The following TENM1 variants were observed in gnomAD, a reference collection of about 807,000 sequenced individuals.
The protein encoded by TENM1 is teneurin-1.
In TENM1, 35 loss-of-function variants were observed where a neutral mutation model predicts 174.8. The observed-to-expected ratio is 0.20, with a 90% CI of 0.15 to 0.27. The LOEUF is 0.27. Among genes scored for constraint, TENM1 ranks in the 10% least tolerant of loss-of-function variants. TENM1 has a pLI of 1.00. For synonymous variants in TENM1, 781 were observed against 798.7 expected (o/e 0.98, Z 0.37); for missense variants, 1,633 against 2,130.1 (o/e 0.77, Z 4.59).
intron 5 of TENM1, among the ~76,000 whole-genome samples, chrX:124,684,062 G>T (rs2052301147): frequency 8.9e-6 from 1 of 111,860 alleles, no homozygotes; most frequent in African/African-American, 3.3e-5. Context: ...CCTTTCAATA[G>T]AAACATGGAC....
At chrX:124,856,129 A>G (rs2056812005) in intron 3 of TENM1, among the ~76,000 whole-genome samples, 1 of 110,792 alleles carries the variant, frequency 9.0e-6, no homozygotes, top group Admixed American at 9.6e-5. Flanking sequence ...CCGACTGCCA[A>G]TTTTCCTTCC....
intron 22 of TENM1, among the ~76,000 whole-genome samples, chrX:124,475,787 C>T (rs1396575278): frequency 9.0e-6 from 1 of 111,152 alleles, no homozygotes; most frequent in African/African-American, 3.3e-5. Flanking sequence ...CCCAGTTTTG[C>T]TCCAGCGCAT....
intron 6 of TENM1, among the ~76,000 whole-genome samples, chrX:124,664,532 G>GAAAAAAAAAAAAAAAAAAAAA (rs779501054): frequency 3.4e-5 from 1 of 29,262 alleles, no homozygotes; most frequent in Non-Finnish European, 6.3e-5. Flanking sequence ...TAAAGCAAAA[G>GAAAAAAAAAAAAAAAAAAAAA]AAAAAAAAAA....
the TENM1 span, among the ~76,000 whole-genome samples, chrX:125,191,033 C>A: frequency 9.0e-6 from 1 of 110,877 alleles, no homozygotes; most frequent in Non-Finnish European, 1.9e-5. Context: ...ATTGCCTTGT[C>A]TAGATATATC....
At chrX:124,572,155 A>G (rs1194865880) in intron 11 of TENM1, among the ~76,000 whole-genome samples, 2 of 110,716 alleles carry the variant, frequency 1.8e-5, no homozygotes, top group Non-Finnish European at 1.9e-5. Flanking sequence ...TCAAGAAAAT[A>G]TCTGGTAATC....
At chrX:124,494,630 T>C in intron 20 of TENM1, among the ~76,000 whole-genome samples, 1 of 109,009 alleles carries the variant, frequency 9.2e-6, no homozygotes, top group South Asian at 4.0e-4. Flanking sequence ...TCATCTAGCA[T>C]TAGGTATATC....
the TENM1 span, among the ~76,000 whole-genome samples, chrX:125,023,027 G>A: frequency 9.0e-6 from 1 of 111,232 alleles, no homozygotes. Flanking sequence ...ATAAGGCTGT[G>A]GAGTACACCA....
At chrX:124,546,816 G>A (rs2048441475) in intron 15 of TENM1, 58 bp downstream of exon 18, 6 of 920,306 alleles carry the variant, frequency 6.5e-6, no homozygotes, top group East Asian at 3.1e-5. Context: ...TCTTCCTTTC[G>A]TAGTTCAGGA....
intron 3 of TENM1, among the ~76,000 whole-genome samples, chrX:124,755,556 G>A (rs867896986): frequency 0.011 from 1,174 of 109,728 alleles, 9 homozygotes; most frequent in Middle Eastern, 0.041. Context: ...GATTTTGCTC[G>A]TTAGTTGATG....
intron 25 of TENM1, among the ~76,000 whole-genome samples, chrX:124,414,492 C>T (rs1483663450): frequency 1.8e-5 from 2 of 110,221 alleles, no homozygotes. Context: ...CCTGTGCCGC[C>T]TCAGGCCAGT....
chrX:125,008,600 G>A, the TENM1 span, among the ~76,000 whole-genome samples: 1 of 112,043 alleles, frequency 8.9e-6, no homozygotes, highest in Admixed American at 9.4e-5. Flanking sequence ...GTGCCACATG[G>A]CACTTATTGG....
chrX:124,917,249 A>C (rs374344090), intron 1 of TENM1, among the ~76,000 whole-genome samples: 3 of 111,771 alleles, frequency 2.7e-5, no homozygotes, highest in African/African-American at 9.7e-5. Flanking sequence ...TTTCCAGTCC[A>C]TGACTCCAAC....
chrX:124,522,070 G>A (rs1034212382), intron 17 of TENM1, among the ~76,000 whole-genome samples: 9 of 111,745 alleles, frequency 8.1e-5, no homozygotes, highest in Non-Finnish European at 1.7e-4. Flanking sequence ...AAGAAGACCC[G>A]TACTTCCTAA....
intron 3 of TENM1, among the ~76,000 whole-genome samples, chrX:124,745,049 C>CA (rs1430997777): frequency 9.0e-6 from 1 of 111,704 alleles, no homozygotes; most frequent in African/African-American, 3.2e-5. Context: ...AAGCAAAAGG[C>CA]AAAAATTCTA....
chrX:125,202,315 G>A, the TENM1 span, among the ~76,000 whole-genome samples: 1 of 111,963 alleles, frequency 8.9e-6, no homozygotes, highest in African/African-American at 3.3e-5. Context: ...ACACTTACTC[G>A]TCACAAACGC....
At chrX:124,529,488 AGAAATATTTTTGATGCATTCATTTCT>A (rs2048058992) in intron 16 of TENM1, among the ~76,000 whole-genome samples, 1 of 111,854 alleles carries the variant, frequency 8.9e-6, no homozygotes, top group African/African-American at 3.2e-5. Context: ...TACTTTTGGA[AGAAATATTTTTGATGCATTCATTTCT>A]GAAATATTTG....
At chrX:124,845,672 G>A (rs1361041765) in intron 3 of TENM1, among the ~76,000 whole-genome samples, 2 of 110,506 alleles carry the variant, frequency 1.8e-5, no homozygotes, top group Non-Finnish European at 3.8e-5. Flanking sequence ...ATATATATAG[G>A]ACCTTAGAGC....
intron 24 of TENM1, among the ~76,000 whole-genome samples, chrX:124,421,351 A>T (rs2060651344): frequency 8.9e-6 from 1 of 112,586 alleles, no homozygotes; most frequent in African/African-American, 3.2e-5. Context: ...GATACAAATT[A>T]GCAAAATATC....
intron 11 of TENM1, among the ~76,000 whole-genome samples, chrX:124,627,472 G>A (rs1034993746): frequency 8.1e-5 from 9 of 111,614 alleles, no homozygotes; most frequent in African/African-American, 1.3e-4. Context: ...GAATTTGGCC[G>A]TTGCATCCCC....
Sources: allele counts gnomAD v4.1 joint callset (sites outside exome capture counted in the v4.1 genomes callset), GRCh38; gene constraint gnomAD v4.1.1; transcripts MANE v1.5; gene names NCBI Gene and HGNC (gene_info 2026-07-23, HGNC 2026-07-21).